The following DPP9 variants were observed in gnomAD, a reference collection of about 807,000 sequenced individuals.
The protein encoded by DPP9 is dipeptidyl peptidase IV-related protein-2.
DPP9 carries 50 observed loss-of-function variants against 110.7 expected under a neutral mutation model. The observed-to-expected ratio is 0.45, with a 90% CI of 0.36 to 0.57. The LOEUF (loss-of-function observed/expected upper bound fraction) is 0.57, where lower values mean the gene tolerates loss of function less well. Ranked by LOEUF, DPP9 falls within the 20% of genes least tolerant of loss-of-function variation. The pLI is 0.00. For missense variants in DPP9, 1,022 were observed against 1,217.9 expected (o/e 0.84, Z 2.39); for synonymous variants, 561 against 514.4 (o/e 1.09, Z -1.23).
chr19:4,690,624 G>A (rs530899852), intron 14 of DPP9, among the ~76,000 whole-genome samples: 1 of 152,214 alleles, frequency 6.6e-6, no homozygotes, highest in African/African-American at 2.4e-5. Flanking sequence ...GATAAAGCAC[G>A]TGAATGGCAC....
intron 15 of DPP9, 58 bp from the exon 16 acceptor site, chr19:4,688,950 G>A: frequency 6.7e-7 from 1 of 1,485,486 alleles, no homozygotes; most frequent in Non-Finnish European, 8.8e-7. Flanking sequence ...TTTCCACTGG[G>A]TGCCGACCGC....
chr19:4,722,876 C>T (rs1281660565), intron 1 of DPP9: 1 of 298,672 alleles, frequency 3.3e-6, no homozygotes, highest in Non-Finnish European at 6.3e-6. Flanking sequence ...CTCCTGGGGC[C>T]CCTGGGGAAG....
In DPP9 at chr19:4,722,410, C is replaced by T. The variant is rs1165612983; in HGVS notation, c.-36+89G>A. ...ATCCAGGGCCATAGAAAACCATTTCCTGCCCATGTCTATATTCTAGAGCAG... is the reference window on the plus strand; with the variant it reads ...ATCCAGGGCCATAGAAAACCATTTCTTGCCCATGTCTATATTCTAGAGCAG... On this transcript the variant is annotated intron_variant, in intron 2 of 21. Transcript: ENST00000262960. 4 of 662,138 alleles carry T rather than the reference C, an allele frequency of 6.0e-6. No individual in the cohort carries two copies. In the African/African-American group the frequency reaches 7.2e-5, roughly 12 times the overall value. The allele number at this position is 662,138 out of a possible 1,614,324, so 41.0% of individuals were successfully genotyped here.
At chr19:4,705,830 A>C in intron 5 of DPP9, 28 bp downstream of exon 5, 7 of 1,602,204 alleles carry the variant, frequency 4.4e-6, no homozygotes, top group Non-Finnish European at 6.0e-6. Context: ...CGCCCACGGT[A>C]GGGCCCACGC....
At chr19:4,683,664 C>A (rs2090246980) in intron 18 of DPP9, 35 bp from the exon 19 acceptor site, 1 of 1,613,010 alleles carries the variant, frequency 6.2e-7, no homozygotes, top group African/African-American at 1.3e-5. Context: ...TCAGTGGCCT[C>A]CTCCCGGTAT....
At chr19:4,681,452 G>A (rs2089864493) in intron 20 of DPP9, among the ~76,000 whole-genome samples, 1 of 151,576 alleles carries the variant, frequency 6.6e-6, no homozygotes, top group Admixed American at 6.6e-5. Flanking sequence ...GAGTAGCCGG[G>A]ATTACAGGTG....
At chr19:4,691,009 G>A (rs759511615) in intron 13 of DPP9, 52 bp from the exon 14 acceptor site, 52 of 1,450,736 alleles carry the variant, frequency 3.6e-5, no homozygotes, top group South Asian at 1.1e-4. Flanking sequence ...TGATGCAGGC[G>A]CCCAAAGGCA....
chr19:4,684,423 G>A lies in DPP9; in HGVS notation c.2178+240C>T, dbSNP rs972807135. 21 of 552,248 alleles carry A rather than the reference G, an allele frequency of 3.8e-5. No homozygotes were observed. Among genetic ancestry groups the A allele is most frequent in the African/African-American group, 1.3e-4 (7 of 52,838 alleles). 34.2% of individuals were successfully genotyped at this position (552,248 alleles called of 1,614,324 possible). On this transcript the variant is annotated intron_variant, in intron 18 of 21. Transcript: ENST00000262960. This position sits in a 1 kb window ranked among gnomAD's most constrained non-coding sequence, Gnocchi z 4.8. ...CGAGATGATCGCCATCACCACCGTC[G>A]TCATCACCAGTGTCAGCACAACTTG...
intron 7 of DPP9, 138 bp downstream of exon 7, chr19:4,703,748 T>G: frequency 1.2e-6 from 1 of 827,066 alleles, no homozygotes; most frequent in Non-Finnish European, 1.9e-6. Context: ...GGAGACATGG[T>G]AGGCTACAGA....
At chr19:4,679,212 C>G (rs1018053007) in intron 21 of DPP9, 1 of 152,732 alleles carries the variant, frequency 6.5e-6, no homozygotes, top group South Asian at 2.0e-4. Context: ...CACCGTAACA[C>G]TGAAGCCCCG....
At chr19:4,691,594 G>C (rs967640520) in intron 13 of DPP9, among the ~76,000 whole-genome samples, 5 of 152,036 alleles carry the variant, frequency 3.3e-5, no homozygotes, top group East Asian at 1.9e-4. Context: ...GCACGGGAAG[G>C]GGGGCGGGGA....
Position 4,714,095 on chromosome 19 carries a change from C to A in DPP9, c.299G>T (p.Arg100Leu). The A allele has an allele frequency of 6.2e-7, 1 of 1,610,558 alleles. No individual in the cohort carries two copies. Among genetic ancestry groups the A allele is most frequent in the Non-Finnish European group, 8.5e-7 (1 of 1,177,802 alleles). The change falls in exon 4 of 22, where the codon CGC becomes CTC. Residue 100 changes from arginine (R) to leucine (L), a missense_variant. By Grantham distance (102) the Arg-to-Leu change is moderately radical (BLOSUM62 -2). Around this residue, in one of 3 missense-constraint regions of DPP9, gnomAD observed 810 missense variants for 920.6 expected, o/e 0.88. Coordinates refer to ENST00000262960, the MANE Select transcript of DPP9 (RefSeq NM_139159.5). ...GCCCGGCTTACCCAGGTAGTAGAGG[C>A]GGTGGGAGTGGGGCCCAGACTCATC... ...KTDESGPHSH[R>L]LYYLGMPYGS... is the part of the protein sequence containing the mutation.
intron 10 of DPP9, among the ~76,000 whole-genome samples, chr19:4,699,158 CAAA>C (rs144927941): frequency 3.3e-4 from 17 of 50,930 alleles, no homozygotes; most frequent in African/African-American, 8.4e-4. Context: ...GACTCCACCT[CAAA>C]AAAAAAAAAA....
Position 4,679,828 on chromosome 19 carries a change from C to G in DPP9, c.2586+7G>C. 2 of 1,599,378 alleles carry G rather than the reference C, an allele frequency of 1.3e-6. No individual in the cohort carries two copies. Among genetic ancestry groups the G allele is most frequent in the Non-Finnish European group, 1.7e-6 (2 of 1,172,842 alleles). The stretch of plus-strand genomic sequence containing the variant: ...CGGAGGGGCCGAAGCCCCCAACAGC[C>G]ACCCACCTGGAGCTGGTAAGGTTTC... On this transcript the variant is annotated splice_region_variant and intron_variant, in intron 21 of 21. Coordinates refer to ENST00000262960, the MANE Select transcript of DPP9 (RefSeq NM_139159.5).
At chr19:4,701,886 G>A in intron 9 of DPP9, 141 bp downstream of exon 9, 1 of 1,249,000 alleles carries the variant, frequency 8.0e-7, no homozygotes, top group Non-Finnish European at 1.1e-6. Context: ...CTGCAGGGCA[G>A]AAGCCTTCCT....
At chr19:4,692,828 G>A (rs1006883890) in intron 13 of DPP9, among the ~76,000 whole-genome samples, 6 of 152,168 alleles carry the variant, frequency 3.9e-5, no homozygotes, top group African/African-American at 7.2e-5. Flanking sequence ...CCAATGAGCC[G>A]AAGACAGCTC....
Position 4,700,227 on chromosome 19 carries a change from T to G in DPP9, c.1063A>C (p.Ser355Arg). 5 of 1,587,550 alleles carry G rather than the reference T, an allele frequency of 3.1e-6. No homozygotes were observed. Among genetic ancestry groups the G allele is most frequent in the Non-Finnish European group, 4.3e-6 (5 of 1,162,520 alleles). The change falls in exon 10 of 22, where the codon AGC (serine) becomes CGC (arginine). Residue 355 changes from serine (S) to arginine (R), a missense_variant. Around this residue, in one of 3 missense-constraint regions of DPP9, gnomAD observed 810 missense variants for 920.6 expected, o/e 0.88. Coordinates refer to ENST00000262960, the MANE Select transcript of DPP9 (RefSeq NM_139159.5). This position sits in a 1 kb window ranked among gnomAD's most constrained non-coding sequence, Gnocchi z 4.3. ...GCAGGCCCCCTTACCTTGCCCTGGC[T>G]GTCAGTCTGGAACTCAGCCAGTTTC... is the stretch of plus-strand genomic sequence containing the variant. ...ALKLAEFQTD[S>R]QGKIVSTQEK...
chr19:4,711,997 T>A (rs1284488226), intron 4 of DPP9, among the ~76,000 whole-genome samples: 2 of 151,960 alleles, frequency 1.3e-5, no homozygotes, highest in Non-Finnish European at 2.9e-5. Flanking sequence ...TGATCTTGGA[T>A]TTCTGCCCTC....
chr19:4,677,576 G>A (rs1568295982), intron 21 of DPP9, among the ~76,000 whole-genome samples: 3 of 152,152 alleles, frequency 2.0e-5, no homozygotes, highest in Non-Finnish European at 4.4e-5. Flanking sequence ...GATGAATCAC[G>A]AGTTTGATGA....
Sources: gnomAD v4.1 joint callset for allele counts (sites outside exome capture counted in the v4.1 genomes callset) on GRCh38, gnomAD v4.1.1 for gene constraint, gnomAD v4.1.1 regional missense constraint, Gnocchi (gnomAD v3.1) non-coding constraint, MANE v1.5 for transcripts, NCBI Gene and HGNC (gene_info 2026-07-23, HGNC 2026-07-21) for gene names.